Variants in DEFB132 observed in about 807,000 individuals in gnomAD.
DEFB132 encodes the protein defensin beta 132.
In DEFB132, 5 loss-of-function variants were observed where a neutral mutation model predicts 2.5. The ratio of observed to expected loss-of-function variants is 2.00; its 90% CI spans 1.04 to 4.20. The LOEUF is 4.20. Ranked by LOEUF, DEFB132 falls within the 30% of genes most tolerant of loss-of-function variation. DEFB132 has a pLI of 0.00. For missense variants in DEFB132, 112 were observed against 110.0 expected, an observed-to-expected ratio of 1.02 and a Z score of -0.08; for synonymous variants, 53 against 46.2, an observed-to-expected ratio of 1.15 and a Z score of -0.60.
rs759885238 is a variant in DEFB132, at chr20:257,831, T to C, written c.53T>C (p.Ile18Thr). 8 of 1,607,878 alleles carry C rather than the reference T, an allele frequency of 5.0e-6. No individual in the cohort carries two copies. The highest frequency in any genetic ancestry group is 6.0e-6 in the Non-Finnish European group (7 of 1,175,544). Residue 18 changes from isoleucine to threonine, a missense_variant, in exon 1 of 2, where the codon ATC becomes ACC. Coordinates refer to ENST00000382376, the MANE Select transcript of DEFB132 (RefSeq NM_207469.3). ...GCCCTCGGATTCCTGACCCAGGTGATCCCAGGTAAACTGGATAAATAGGAG... is the reference window on the plus strand; with the variant it reads ...GCCCTCGGATTCCTGACCCAGGTGACCCCAGGTAAACTGGATAAATAGGAG... ...LAALGFLTQV[I>T]PASAGGSKCV...
Position 257,807 on chromosome 20 carries a change from C to G in DEFB132, c.29C>G (p.Ala10Gly), listed in dbSNP as rs1428264376. The change falls in exon 1 of 2, where the codon GCC becomes GGC. Residue 10 changes from alanine (A) to glycine (G), a missense_variant. Transcript: ENST00000382376. ...AAGTTCCTGCTCCTGGTCTTGGCAGCCCTCGGATTCCTGACCCAGGTGATC... is the reference window on the plus strand; with the variant it reads ...AAGTTCCTGCTCCTGGTCTTGGCAGGCCTCGGATTCCTGACCCAGGTGATC... The part of the protein sequence containing the change: MKFLLLVLA[A>G]LGFLTQVIPA... 1 of 1,608,814 alleles carries G rather than the reference C, an allele frequency of 6.2e-7. No homozygotes were observed.
rs1459978293 is a variant in DEFB132, at chr20:259,988, G to C, written c.*682G>C. The C allele has an allele frequency of 6.5e-6, 1 of 152,676 alleles. No individual in the cohort carries two copies. The highest frequency in any genetic ancestry group is 1.5e-5 in the Non-Finnish European group (1 of 68,410). The allele number at this position is 152,676 out of a possible 1,614,324, so 9.5% of individuals were successfully genotyped here. A position where few individuals can be genotyped will look rare whatever the true frequency, so the allele number is the denominator to read the frequency against. ...ACAGTGCACCCCCATGGCTGCCACGGAGTATAAGGAGGGAGAGAAAGGAGC... is the reference window on the plus strand; with the variant it reads ...ACAGTGCACCCCCATGGCTGCCACGCAGTATAAGGAGGGAGAGAAAGGAGC... On this transcript the variant is annotated 3_prime_UTR_variant, in exon 2 of 2. Coordinates refer to ENST00000382376, the MANE Select transcript of DEFB132 (RefSeq NM_207469.3).
chr20:257,794 CTGGTCT>C lies in DEFB132; in HGVS notation c.20_25del (p.Val7_Leu8del), dbSNP rs66489228. The C allele has an allele frequency of 0.61, 971,488 of 1,601,222 alleles. 296,992 individuals are homozygous for C. The highest frequency in any genetic ancestry group is 0.69 in the East Asian group (30,602 of 44,544). On this transcript the variant is annotated inframe_deletion, in exon 1 of 2. Transcript: ENST00000382376. ...CCCTTCAGCCATGAAGTTCCTGCTC[CTGGTCT>C]TGGCAGCCCTCGGATTCCTGACCCA...
Position 258,861 on chromosome 20 carries a change from G to T in DEFB132, c.59-216G>T, listed in dbSNP as rs1207795003. On this transcript the variant is annotated intron_variant, in intron 1 of 1. Transcript: ENST00000382376. ...AAAAGCTTCAAAGATGCAGATACTG[G>T]CAAAGAAGAAGAGCTCGTCAGACAG... Among the ~76,000 whole-genome samples the T allele has an allele frequency of 2.1e-5, 3 of 144,302 alleles. No homozygotes were observed. The Admixed American group carries it at 2.1e-4, about 10-fold the overall frequency. The allele number at this position is 144,302 out of a possible 152,430, so 94.7% of individuals were successfully genotyped here.
Position 259,466 on chromosome 20 carries a change from TA to T in DEFB132, c.*162del. 1 of 722,158 alleles carries T rather than the reference TA, an allele frequency of 1.4e-6. No homozygotes were observed. The highest frequency in any genetic ancestry group is 2.2e-6 in the Non-Finnish European group (1 of 445,112). 44.7% of individuals were successfully genotyped at this position (722,158 alleles called of 1,614,324 possible). ...TTCTATCATTCTGTCATTCATCTAG[TA>T]ACTAATTTGGAGTTTGTATCTATCT... On this transcript the variant is annotated 3_prime_UTR_variant, in exon 2 of 2. Coordinates refer to ENST00000382376, the MANE Select transcript of DEFB132 (RefSeq NM_207469.3).
chr20:259,274 G>A lies in DEFB132; in HGVS notation c.256G>A (p.Asp86Asn). Reference sequence around the variant, plus strand: ...AAGGAGAAGAAACACACAAAGGAAAGACAAGAAGCAACAAACGACCGTAAC... The same window carrying A: ...AAGGAGAAGAAACACACAAAGGAAAAACAAGAAGCAACAAACGACCGTAAC... Reference protein sequence around the residue: ...QSRRRNTQRKDKKQQTTVTS With the variant: ...QSRRRNTQRKNKKQQTTVTS Residue 86 changes from aspartate (D) to asparagine (N), a missense_variant, in exon 2 of 2, where the codon GAC becomes AAC. Physicochemically the swap from Asp to Asn is conservative, Grantham distance 23 (BLOSUM62 1). Coordinates refer to ENST00000382376, the MANE Select transcript of DEFB132 (RefSeq NM_207469.3). 6.4e-7 allele frequency: 1 copy of A among 1,559,734 alleles called. No homozygotes were observed. The highest frequency in any genetic ancestry group is 8.7e-7 in the Non-Finnish European group (1 of 1,146,876).
At chr20:259,002 C>T in intron 1 of DEFB132, 75 bp from the exon 2 acceptor site, 1 of 1,448,920 alleles carries the variant, frequency 6.9e-7, no homozygotes, top group Non-Finnish European at 9.6e-7. Context: ...CAAACACTCC[C>T]ATCTGGCGCT....
rs115532874 is a variant in DEFB132 at position 257,851 on chromosome 20, T to C, written c.58+15T>C. The C allele has an allele frequency of 2.7e-3, 4,335 of 1,602,062 alleles. 94 individuals are homozygous for C. The African/African-American group carries it at 0.049, about 18-fold the overall frequency. ...GGTGATCCCAGGTAAACTGGATAAATAGGAGGAAAGGAAAACTGGGAACGA... is the reference window on the plus strand; with the variant it reads ...GGTGATCCCAGGTAAACTGGATAAACAGGAGGAAAGGAAAACTGGGAACGA... On this transcript the variant is annotated intron_variant, in intron 1 of 1. Transcript: ENST00000382376.
At chr20:258,643 T>G (rs570597644) in intron 1 of DEFB132, among the ~76,000 whole-genome samples, 8 of 152,258 alleles carry the variant, frequency 5.3e-5, no homozygotes, top group Admixed American at 5.2e-4. Context: ...TGCCCCAGGT[T>G]GACTCATATT....
chr20:258,694 C>T (rs1356937717), intron 1 of DEFB132, among the ~76,000 whole-genome samples: 3 of 134,880 alleles, frequency 2.2e-5, no homozygotes, highest in Admixed American at 7.5e-5. Context: ...GGTAGAAACA[C>T]CTTAAAAGGG....
chr20:258,192 TCAAAGGA>T (rs1410809162), intron 1 of DEFB132, among the ~76,000 whole-genome samples: 1 of 152,130 alleles, frequency 6.6e-6, no homozygotes, highest in Non-Finnish European at 1.5e-5. Flanking sequence ...GGGTTGGAGC[TCAAAGGA>T]GATTTTGAGC....
rs2011623356 is a variant in DEFB132, at chr20:259,829, C to T, written c.*523C>T. 6.0e-6 allele frequency: 1 copy of T among 167,200 alleles called. No individual in the cohort carries two copies. Among genetic ancestry groups the T allele is most frequent in the Admixed American group, 5.6e-5 (1 of 17,924 alleles). The allele number at this position is 167,200 out of a possible 1,614,324, so 10.4% of individuals were successfully genotyped here. A position where few individuals can be genotyped will look rare whatever the true frequency, so the allele number is the denominator to read the frequency against. ...CGCAGGGCAGGAATAGCCAGGTTCT[C>T]ATATCCCAGGGGTTCAGACTTTGGC... On this transcript the variant is annotated 3_prime_UTR_variant, in exon 2 of 2. Coordinates refer to ENST00000382376, the MANE Select transcript of DEFB132 (RefSeq NM_207469.3).
Position 257,913 on chromosome 20 carries a change from G to A in DEFB132, c.58+77G>A, listed in dbSNP as rs910125282. 22 of 1,488,438 alleles carry A rather than the reference G, an allele frequency of 1.5e-5. No homozygotes were observed. The Middle Eastern group carries it at 1.1e-3, about 72-fold the overall frequency. 92.2% of individuals were successfully genotyped at this position (1,488,438 alleles called of 1,614,324 possible). On this transcript the variant is annotated intron_variant, in intron 1 of 1. Coordinates refer to ENST00000382376, the MANE Select transcript of DEFB132 (RefSeq NM_207469.3). ...ATATCTGGTTGCTCTGGTGATAGAT[G>A]AGCCAGGTTGGGTGGAGGCAGGGCT...
In DEFB132 at chr20:259,383, C is replaced by T. The variant is rs1432439339; in HGVS notation, c.*77C>T. The T allele has an allele frequency of 1.4e-5, 21 of 1,478,214 alleles. No homozygotes were observed. Among genetic ancestry groups the T allele is most frequent in the Non-Finnish European group, 1.8e-5 (20 of 1,090,288 alleles). The allele number at this position is 1,478,214 out of a possible 1,614,324, so 91.6% of individuals were successfully genotyped here. On this transcript the variant is annotated 3_prime_UTR_variant, in exon 2 of 2. Coordinates refer to ENST00000382376, the MANE Select transcript of DEFB132 (RefSeq NM_207469.3). Reference sequence around the variant, plus strand: ...CCAATTCCTCCTACATTGCTGAGTACTAGCCAAGGCTCCTCTTTATGGGGC... The same window carrying T: ...CCAATTCCTCCTACATTGCTGAGTATTAGCCAAGGCTCCTCTTTATGGGGC...
chr20:260,254 A>G lies in DEFB132; in HGVS notation c.*948A>G, dbSNP rs1248020946. 1 of 152,194 alleles carries G rather than the reference A, an allele frequency of 6.6e-6. No individual in the cohort carries two copies. Among genetic ancestry groups the G allele is most frequent in the African/African-American group, 2.4e-5 (1 of 41,436 alleles). 9.4% of individuals were successfully genotyped at this position (152,194 alleles called of 1,614,324 possible). A position where few individuals can be genotyped will look rare whatever the true frequency, so the allele number is the denominator to read the frequency against. ...ACTCTAATTGCTTAATCCACTAAAC[A>G]TTACTTCTGGGAATTGGCTCATCAT... On this transcript the variant is annotated 3_prime_UTR_variant, in exon 2 of 2. Coordinates refer to ENST00000382376, the MANE Select transcript of DEFB132 (RefSeq NM_207469.3).
chr20:259,162 G>A lies in DEFB132; in HGVS notation c.144G>A (p.Met48Ile). The change falls in exon 2 of 2, where the codon ATG becomes ATA. Residue 48 changes from methionine to isoleucine, a missense_variant. Transcript: ENST00000382376. ...CCHWGETALF[M>I]CNASRKCCIS... ...ACTGGGGGGAGACAGCATTGTTCAT[G>A]TGCAACGCTTCCAGAAAATGCTGCA... 3 of 1,614,202 alleles carry A rather than the reference G, an allele frequency of 1.9e-6. No individual in the cohort carries two copies. The highest frequency in any genetic ancestry group is 2.5e-6 in the Non-Finnish European group (3 of 1,180,044).
chr20:258,181 C>T (rs998220620), intron 1 of DEFB132, among the ~76,000 whole-genome samples: 2 of 152,140 alleles, frequency 1.3e-5, no homozygotes, highest in East Asian at 1.9e-4. Context: ...GAGATCAGCC[C>T]GGGTTGGAGC....
At chr20:258,380 C>T (rs1278407952) in intron 1 of DEFB132, among the ~76,000 whole-genome samples, 1 of 152,024 alleles carries the variant, frequency 6.6e-6, no homozygotes, top group Non-Finnish European at 1.5e-5. Flanking sequence ...GAGAGACAGA[C>T]ACACAGAGAG....
Position 259,582 on chromosome 20 carries a change from G to A in DEFB132, c.*276G>A. On this transcript the variant is annotated 3_prime_UTR_variant, in exon 2 of 2. Coordinates refer to ENST00000382376, the MANE Select transcript of DEFB132 (RefSeq NM_207469.3). ...AAAATGTCAAGACAGAATTGGACAT[G>A]CAAAAGATTGACTGGGAGAACACAC... The A allele has an allele frequency of 2.2e-6, 1 of 446,350 alleles. No homozygotes were observed. The allele number at this position is 446,350 out of a possible 1,614,324, so 27.6% of individuals were successfully genotyped here.
Sources: gnomAD v4.1 joint callset for allele counts (sites outside exome capture counted in the v4.1 genomes callset) on GRCh38, gnomAD v4.1.1 for gene constraint, MANE v1.5 for transcripts, NCBI Gene and HGNC (gene_info 2026-07-23, HGNC 2026-07-21) for gene names.